LIPC: variants seen among roughly 807,000 people sequenced by gnomAD.
LIPC encodes hepatic triacylglycerol lipase.
A neutral mutation model predicts 50.7 loss-of-function variants in LIPC; 44 were observed. The observed-to-expected ratio is 0.87, with a 90% confidence interval of 0.68 to 1.11. The LOEUF (loss-of-function observed/expected upper bound fraction) is 1.11, where lower values mean the gene tolerates loss of function less well. Among genes scored for constraint, LIPC ranks in the 50% most tolerant of loss-of-function variants. The pLI, the probability that LIPC is intolerant of heterozygous loss-of-function variation, is 0.00. For synonymous variants in LIPC, 271 were observed against 256.4 expected, an observed-to-expected ratio of 1.06 and a Z score of -0.54; for missense variants, 697 against 648.2, an observed-to-expected ratio of 1.08 and a Z score of -0.82.
rs1038614607 is a variant in LIPC, at chr15:58,501,217, G to A, written c.89-37116G>A. On this transcript the variant is annotated intron_variant, in intron 1 of 8. Transcript: ENST00000299022. ...TCATCTCCTCCCAGAACATTGCAGTGATTTCCTAACAGGCCCCCTCGCCTA... is the reference window on the plus strand; with the variant it reads ...TCATCTCCTCCCAGAACATTGCAGTAATTTCCTAACAGGCCCCCTCGCCTA... Among the ~76,000 whole-genome samples the A allele has an allele frequency of 2.0e-5, 3 of 152,158 alleles. No individual in the cohort carries two copies. In the East Asian group the frequency reaches 5.8e-4, roughly 29 times the overall value.
At chr15:58,478,125 C>A (rs1236443326) in intron 1 of LIPC, among the ~76,000 whole-genome samples, 1 of 152,222 alleles carries the variant, frequency 6.6e-6, no homozygotes, top group African/African-American at 2.4e-5. Context: ...CCACCACAAC[C>A]TGTCTTGGTC....
chr15:58,521,067 G>A (rs180824506), intron 1 of LIPC, among the ~76,000 whole-genome samples: 2 of 152,262 alleles, frequency 1.3e-5, no homozygotes, highest in Admixed American at 1.3e-4. Context: ...CATTCCTAGA[G>A]GGCGGACAGA....
At chr15:58,566,173 G>A (rs1161740452) in intron 8 of LIPC, 1 of 985,178 alleles carries the variant, frequency 1.0e-6, no homozygotes, top group Non-Finnish European at 1.2e-6. Flanking sequence ...ACCACACTTT[G>A]AATAGTGAGA....
At chr15:58,558,738 A>G (rs1894049533) in intron 6 of LIPC, among the ~76,000 whole-genome samples, 1 of 151,992 alleles carries the variant, frequency 6.6e-6, no homozygotes, top group African/African-American at 2.4e-5. Flanking sequence ...CATGAAACCC[A>G]TCCCTGATGC....
chr15:58,563,551 C>T lies in LIPC; in HGVS notation c.1216C>T (p.Leu406=), dbSNP rs1478259574. The T allele has an allele frequency of 1.9e-6, 3 of 1,614,196 alleles. No homozygotes were observed. The highest frequency in any genetic ancestry group is 1.3e-5 in the African/African-American group (1 of 75,042). ...SNKTYSFLIT[L]DVDIGELIMI... ...TAAAACGTATTCCTTTCTTATCACG[C>T]TGGATGTGGATATCGGCGAGCTGAT... The change falls in exon 8 of 9, where the codon CTG becomes TTG. Residue 406 remains leucine (L), a synonymous_variant. Transcript: ENST00000299022.
At chr15:58,463,529 C>A (rs1327391340) in intron 1 of LIPC, among the ~76,000 whole-genome samples, 3 of 152,210 alleles carry the variant, frequency 2.0e-5, no homozygotes, top group African/African-American at 4.8e-5. Context: ...CAGCACCCAC[C>A]ATTTTGCCCC....
chr15:58,551,157 T>TC (rs1227877851), intron 6 of LIPC, among the ~76,000 whole-genome samples: 5 of 151,868 alleles, frequency 3.3e-5, no homozygotes, highest in East Asian at 1.9e-4. Flanking sequence ...CCTTTTCTGC[T>TC]CCCCCACAAA....
chr15:58,526,567 T>A (rs1892804829), intron 1 of LIPC, among the ~76,000 whole-genome samples: 1 of 152,162 alleles, frequency 6.6e-6, no homozygotes, highest in Non-Finnish European at 1.5e-5. Context: ...CTCCTTTTCT[T>A]GGCACAAAGG....
At chr15:58,528,140 CAA>C (rs11443674) in intron 1 of LIPC, among the ~76,000 whole-genome samples, 10 of 137,788 alleles carry the variant, frequency 7.3e-5, no homozygotes, top group Admixed American at 7.2e-5. Flanking sequence ...AACTCTGTCT[CAA>C]AAAAAAAAAA....
intron 8 of LIPC, chr15:58,566,003 A>G: frequency 2.0e-6 from 2 of 985,304 alleles, no homozygotes; most frequent in Non-Finnish European, 2.4e-6. Context: ...AATTTTACTA[A>G]CGGTGTGGTC....
chr15:58,567,468 G>C (rs2140965343), intron 8 of LIPC, among the ~76,000 whole-genome samples: 1 of 150,316 alleles, frequency 6.7e-6, no homozygotes, highest in South Asian at 2.1e-4. Flanking sequence ...TTTATTTCTA[G>C]GTGTCTTATC....
intron 1 of LIPC, chr15:58,455,002 G>C (rs1226084130): frequency 6.6e-6 from 1 of 152,176 alleles, no homozygotes; most frequent in Non-Finnish European, 1.5e-5. Flanking sequence ...CTGTCTGTAA[G>C]GTTATTTCCG....
intron 1 of LIPC, among the ~76,000 whole-genome samples, chr15:58,488,961 GT>G (rs1207713489): frequency 6.6e-6 from 1 of 152,134 alleles, no homozygotes; most frequent in Non-Finnish European, 1.5e-5. Flanking sequence ...AAGGCAAGTG[GT>G]CCTGATGGCT....
At chr15:58,529,108 T>A (rs1029673301) in intron 1 of LIPC, among the ~76,000 whole-genome samples, 1 of 152,084 alleles carries the variant, frequency 6.6e-6, no homozygotes, top group African/African-American at 2.4e-5. Flanking sequence ...GAATGAAGGA[T>A]AAGGTCAAAT....
intron 1 of LIPC, among the ~76,000 whole-genome samples, chr15:58,500,039 G>A (rs564985348): frequency 6.6e-6 from 1 of 152,252 alleles, no homozygotes; most frequent in Middle Eastern, 3.4e-3. Context: ...ACAGGACAAA[G>A]TAAATTGGAC....
chr15:58,510,339 T>C (rs1487464358), intron 1 of LIPC, among the ~76,000 whole-genome samples: 1 of 152,248 alleles, frequency 6.6e-6, no homozygotes, highest in Non-Finnish European at 1.5e-5. Flanking sequence ...GTTGACTTGC[T>C]TGCCTTTTTG....
At chr15:58,482,523 C>T (rs1026576079) in intron 1 of LIPC, among the ~76,000 whole-genome samples, 10 of 152,146 alleles carry the variant, frequency 6.6e-5, no homozygotes, top group Non-Finnish European at 1.2e-4. Context: ...ACAATTCATA[C>T]CTGGCTCTTA....
chr15:58,511,597 T>A (rs1371616449), intron 1 of LIPC, among the ~76,000 whole-genome samples: 1 of 152,188 alleles, frequency 6.6e-6, no homozygotes, highest in Non-Finnish European at 1.5e-5. Flanking sequence ...CCTGCTGGTT[T>A]GCATGAGCAA....
intron 1 of LIPC, among the ~76,000 whole-genome samples, chr15:58,490,319 G>C (rs1274555382): frequency 6.6e-6 from 1 of 152,192 alleles, no homozygotes; most frequent in Non-Finnish European, 1.5e-5. Context: ...AGGACAGCCA[G>C]AGCTTCTGCC....
Sources: gnomAD v4.1 joint callset for allele counts (sites outside exome capture counted in the v4.1 genomes callset) on GRCh38, gnomAD v4.1.1 for gene constraint, MANE v1.5 for transcripts, NCBI Gene and HGNC (gene_info 2026-07-23, HGNC 2026-07-21) for gene names.